ZNF474: variants seen among roughly 807,000 people sequenced by gnomAD.
ZNF474 encodes the protein zinc finger protein 474.
For missense variants in ZNF474, 511 were observed against 433.8 expected (o/e 1.18, Z -1.58); for synonymous variants, 192 against 162.2 (o/e 1.18, Z -1.39).
intron 1 of ZNF474, among the ~76,000 whole-genome samples, chr5:122,142,999 CT>C (rs1249505123): frequency 6.6e-6 from 1 of 152,098 alleles, no homozygotes; most frequent in Non-Finnish European, 1.5e-5. Flanking sequence ...TCAGAAACAG[CT>C]TTGGGTGGAG....
intron 1 of ZNF474, among the ~76,000 whole-genome samples, chr5:122,141,170 A>ATTTTATTTTATTTTAT (rs1167769955): frequency 5.5e-5 from 1 of 18,038 alleles, no homozygotes; most frequent in African/African-American, 1.3e-4. Context: ...ATTTTATTTT[A>ATTTTATTTTATTTTAT]TTTTTGGAAA....
At chr5:122,145,897 AGAG>A (rs750935808) in intron 1 of ZNF474, among the ~76,000 whole-genome samples, 108 of 152,318 alleles carry the variant, frequency 7.1e-4, no homozygotes, top group Non-Finnish European at 1.4e-3. Flanking sequence ...GAAACTTAGA[AGAG>A]GCACCCTATG....
In ZNF474 at chr5:122,152,275, G is replaced by T. The variant is rs774196594; in HGVS notation, c.285G>T (p.Arg95=). The change falls in exon 2 of 2, where the codon CGG becomes CGT. Residue 95 remains arginine, a synonymous_variant. Coordinates refer to ENST00000296600, the MANE Select transcript of ZNF474 (RefSeq NM_207317.3). ...TCCCGGCCCGCAGGCCTGGATTCCG[G>T]GTATGCTATATCTGTGGCCGAGAAT... ...PVIPARRPGF[R]VCYICGREFG... The T allele has an allele frequency of 4.3e-6, 7 of 1,614,176 alleles. No homozygotes were observed. The South Asian group carries it at 7.7e-5, about 18-fold the overall frequency.
At position 122,152,354 on chromosome 5, in the gene ZNF474, A is replaced by T; in HGVS notation, c.364A>T (p.Ile122Phe). The T allele has an allele frequency of 6.2e-7, 1 of 1,614,188 alleles. No homozygotes were observed. The highest frequency in any genetic ancestry group is 8.5e-7 in the Non-Finnish European group (1 of 1,180,024). ...ACCCCAGTGCTTGCAGAAGTGGCAT[A>T]TTGAAAACAGCAAGTTGCCCAAGCA... ...HEPQCLQKWH[I>F]ENSKLPKHLR... The change falls in exon 2 of 2, where the codon ATT becomes TTT. Residue 122 changes from isoleucine to phenylalanine, a missense_variant. Physicochemically the swap from Ile to Phe is conservative, Grantham distance 21. Coordinates refer to ENST00000296600, the MANE Select transcript of ZNF474 (RefSeq NM_207317.3).
Position 122,151,364 on chromosome 5 carries a change from G to C in ZNF474, c.-212-415G>C, listed in dbSNP as rs540573056. On this transcript the variant is annotated intron_variant, in intron 1 of 1. Transcript: ENST00000296600. ...GATCTCTGACGTAGTGGAAGTTTCT[G>C]TGGGGCCCAGGGGGTCTTTTCGTAT... Among the ~76,000 whole-genome samples the C allele has an allele frequency of 2.2e-4, 34 of 152,272 alleles. 1 individual carries two copies. The South Asian group carries it at 7.0e-3, about 32-fold the overall frequency.
At chr5:122,151,366 G>A (rs891080325) in intron 1 of ZNF474, among the ~76,000 whole-genome samples, 16 of 152,100 alleles carry the variant, frequency 1.1e-4, no homozygotes, top group Non-Finnish European at 2.4e-4. Flanking sequence ...AAGTTTCTGT[G>A]GGGCCCAGGG....
Position 122,152,311 on chromosome 5 carries a change from GTCA to G in ZNF474, c.322_324del (p.Ser108del), listed in dbSNP as rs1756207808. The G allele has an allele frequency of 1.2e-6, 2 of 1,614,068 alleles. No homozygotes were observed. Among genetic ancestry groups the G allele is most frequent in the African/African-American group, 2.7e-5 (2 of 74,914 alleles). On this transcript the variant is annotated inframe_deletion, in exon 2 of 2. Coordinates refer to ENST00000296600, the MANE Select transcript of ZNF474 (RefSeq NM_207317.3). ...TCTGTGGCCGAGAATTTGGGTCCCA[GTCA>G]ATTGCCATTCATGAACCCCAGTGCT...
intron 1 of ZNF474, among the ~76,000 whole-genome samples, chr5:122,147,451 T>C (rs529162483): frequency 6.6e-6 from 1 of 152,194 alleles, no homozygotes; most frequent in African/African-American, 2.4e-5. Context: ...GGTATACATG[T>C]GCCATGTTGG....
At chr5:122,147,918 C>T (rs1448974757) in intron 1 of ZNF474, 2 of 152,164 alleles carry the variant, frequency 1.3e-5, no homozygotes, top group Non-Finnish European at 1.5e-5. Flanking sequence ...TGATGCCTTC[C>T]AGGACATTCT....
Position 122,152,624 on chromosome 5 carries a change from T to C in ZNF474, c.634T>C (p.Cys212Arg). ...SDHLTGLKKA[C>R]SGTPARPRTV... ...TCATCTTACTGGCCTCAAGAAAGCT[T>C]GTAGTGGAACCCCAGCCCGACCAAG... The change falls in exon 2 of 2, where the codon TGT (cysteine) becomes CGT (arginine). Residue 212 changes from cysteine (C) to arginine (R), a missense_variant. Physicochemically the swap from Cys to Arg is radical, Grantham distance 180 (BLOSUM62 -3). Coordinates refer to ENST00000296600, the MANE Select transcript of ZNF474 (RefSeq NM_207317.3). The C allele has an allele frequency of 1.2e-6, 2 of 1,614,180 alleles. No individual in the cohort carries two copies. Among genetic ancestry groups the C allele is most frequent in the Non-Finnish European group, 1.7e-6 (2 of 1,180,028 alleles).
chr5:122,141,300 A>ATTTTTTTTTTTTTTTTTT (rs368273210), intron 1 of ZNF474, among the ~76,000 whole-genome samples: 7 of 64,358 alleles, frequency 1.1e-4, no homozygotes, highest in African/African-American at 5.2e-4. Flanking sequence ...ACCCCTGGCT[A>ATTTTTTTTTTTTTTTTTT]TTTTTTTTTT....
chr5:122,150,368 G>C (rs985907420), intron 1 of ZNF474, among the ~76,000 whole-genome samples: 12 of 152,154 alleles, frequency 7.9e-5, no homozygotes, highest in Non-Finnish European at 1.5e-4. Flanking sequence ...GACCTGATTT[G>C]ATACTCTTAA....
chr5:122,140,220 C>T (rs935369990), intron 1 of ZNF474, among the ~76,000 whole-genome samples: 11 of 152,162 alleles, frequency 7.2e-5, no homozygotes, highest in Admixed American at 2.0e-4. Context: ...TTAAAAACAG[C>T]AGTAGTGGAT....
intron 1 of ZNF474, among the ~76,000 whole-genome samples, chr5:122,144,835 A>G (rs1207027493): frequency 6.6e-6 from 1 of 152,194 alleles, no homozygotes; most frequent in Non-Finnish European, 1.5e-5. Flanking sequence ...TTGTATAACC[A>G]GTGCTCCACC....
chr5:122,147,131 T>C (rs905188801), intron 1 of ZNF474, among the ~76,000 whole-genome samples: 5 of 152,160 alleles, frequency 3.3e-5, no homozygotes, highest in African/African-American at 1.2e-4. Context: ...GAAAGCAAGA[T>C]TTCATAGGTA....
intron 1 of ZNF474, among the ~76,000 whole-genome samples, chr5:122,145,032 A>G (rs781476822): frequency 2.0e-5 from 3 of 152,224 alleles, no homozygotes; most frequent in Non-Finnish European, 4.4e-5. Context: ...TCTAGTTAGA[A>G]GCGCAAAGAG....
At chr5:122,150,143 A>G (rs1756126727) in intron 1 of ZNF474, among the ~76,000 whole-genome samples, 1 of 152,170 alleles carries the variant, frequency 6.6e-6, no homozygotes, top group Non-Finnish European at 1.5e-5. Flanking sequence ...GAAATAACCC[A>G]CGGGCTGGAT....
intron 1 of ZNF474, among the ~76,000 whole-genome samples, chr5:122,149,738 T>C (rs1441539286): frequency 6.6e-6 from 1 of 152,198 alleles, no homozygotes; most frequent in African/African-American, 2.4e-5. Context: ...AAAATTATGT[T>C]TACAAAAAAT....
chr5:122,137,377 C>T (rs1161900217), intron 1 of ZNF474, among the ~76,000 whole-genome samples: 2 of 136,594 alleles, frequency 1.5e-5, no homozygotes, highest in African/African-American at 5.8e-5. Context: ...GAACCTGGAG[C>T]CAGAGGTTGC....
Sources: gnomAD v4.1 joint callset for allele counts (sites outside exome capture counted in the v4.1 genomes callset) on GRCh38, gnomAD v4.1.1 for gene constraint, MANE v1.5 for transcripts, NCBI Gene and HGNC (gene_info 2026-07-23, HGNC 2026-07-21) for gene names.